The following USP34 variants were observed in gnomAD, a reference collection of about 807,000 sequenced individuals.
USP34 encodes the protein ubiquitin carboxyl-terminal hydrolase 34.
A neutral mutation model predicts 460.3 loss-of-function variants in USP34; 70 were observed. That is an observed-to-expected ratio of 0.15 (90% CI 0.13 to 0.19). The LOEUF (loss-of-function observed/expected upper bound fraction) is 0.19, where lower values mean the gene tolerates loss of function less well. Ranked by LOEUF, USP34 falls within the 10% of genes least tolerant of loss-of-function variation. The probability of loss-of-function intolerance (pLI) is 1.00; values close to 1 mark genes in which losing one functional copy is unlikely to be tolerated. For missense variants in USP34, 3,985 were observed against 4,236.2 expected, an observed-to-expected ratio of 0.94 and a Z score of 1.65; for synonymous variants, 1,647 against 1,405.3, an observed-to-expected ratio of 1.17 and a Z score of -3.85.
At chr2:61,376,796 C>T (rs901644242) in intron 8 of USP34, among the ~76,000 whole-genome samples, 9 of 152,108 alleles carry the variant, frequency 5.9e-5, no homozygotes, top group East Asian at 1.9e-4. Flanking sequence ...CACAGGCATG[C>T]GCCACCACAC....
chr2:61,462,351 A>G (rs1573069733), intron 1 of USP34, among the ~76,000 whole-genome samples: 1 of 151,664 alleles, frequency 6.6e-6, no homozygotes, highest in East Asian at 1.9e-4. Flanking sequence ...GAGTTTGAGA[A>G]CAGCCTGGGC....
At chr2:61,439,209 C>T (rs942775003) in intron 1 of USP34, among the ~76,000 whole-genome samples, 1 of 152,138 alleles carries the variant, frequency 6.6e-6, no homozygotes, top group African/African-American at 2.4e-5. Context: ...CTCAGCAGTT[C>T]GAAACCAGCC....
chr2:61,266,912 G>C (rs976978107), intron 41 of USP34, among the ~76,000 whole-genome samples: 2 of 152,194 alleles, frequency 1.3e-5, no homozygotes, highest in African/African-American at 2.4e-5. Context: ...GGCTCACTGT[G>C]CCTAACGGGT....
At chr2:61,213,945 C>T in intron 68 of USP34, 115 bp downstream of exon 68, 1 of 1,269,416 alleles carries the variant, frequency 7.9e-7, no homozygotes. Context: ...ACATTAAGTT[C>T]TTAAGAAAGA....
At chr2:61,294,880 G>C in intron 32 of USP34, 69 bp downstream of exon 32, 2 of 1,235,644 alleles carry the variant, frequency 1.6e-6, no homozygotes, top group Non-Finnish European at 2.3e-6. Flanking sequence ...AAGAATTATG[G>C]TACCCACTTT....
At chr2:61,229,733 T>C in intron 58 of USP34, 100 bp from the exon 59 acceptor site, 5 of 982,856 alleles carry the variant, frequency 5.1e-6, no homozygotes, top group Non-Finnish European at 7.7e-6. Context: ...CATTTATAGT[T>C]TGCACAAGAT....
In USP34 at chr2:61,214,293, G is replaced by A. The variant is rs1330062975; in HGVS notation, c.8449C>T (p.Arg2817Cys). ...ACCACTGGGTTCTGAACAATAAGGC[G>A]GATATTCTCTGGACAGTCAGCACAG... ...NVCADCPENIRLIVQNPVVTK... is the reference protein window; with the variant it reads ...NVCADCPENICLIVQNPVVTK... The change falls in exon 68 of 80, where the codon CGC (arginine) becomes TGC (cysteine). Residue 2817 changes from arginine (R) to cysteine (C), a missense_variant. This residue lies in a region of USP34 where 66 missense variants were observed against 121.2 expected (regional missense o/e 0.54). Coordinates refer to ENST00000398571, the MANE Select transcript of USP34 (RefSeq NM_014709.4). 15 of 1,614,058 alleles carry A rather than the reference G, an allele frequency of 9.3e-6. No individual in the cohort carries two copies. The highest frequency in any genetic ancestry group is 2.2e-5 in the East Asian group (1 of 44,900).
intron 20 of USP34, 70 bp from the exon 21 acceptor site, chr2:61,325,527 C>T (rs1691058988): frequency 2.3e-6 from 2 of 880,766 alleles, no homozygotes; most frequent in Non-Finnish European, 1.6e-6. Context: ...TTTAGTGGTC[C>T]TATGCATAAC....
chr2:61,212,926 G>A (rs1191208169), intron 68 of USP34, among the ~76,000 whole-genome samples: 1 of 151,960 alleles, frequency 6.6e-6, no homozygotes, highest in Non-Finnish European at 1.5e-5. Flanking sequence ...ATCCTATCCC[G>A]ACCCCTTTGA....
chr2:61,420,326 T>G (rs1242973553), intron 2 of USP34, among the ~76,000 whole-genome samples: 1 of 152,206 alleles, frequency 6.6e-6, no homozygotes, highest in Non-Finnish European at 1.5e-5. Flanking sequence ...TCTCAATATA[T>G]GTATTATTTA....
intron 25 of USP34, among the ~76,000 whole-genome samples, chr2:61,312,265 G>A (rs1194196701): frequency 1.3e-5 from 2 of 151,714 alleles, no homozygotes; most frequent in Non-Finnish European, 2.9e-5. Flanking sequence ...ATAGCAAGCT[G>A]TGATTCCTGC....
chr2:61,296,759 G>A lies in USP34; in HGVS notation c.4254+41C>T, dbSNP rs199569871. ...ACACTGTCAATAGGAATGTAAACTG[G>A]TAACAGCCTCTAGGAGAGTAAAGAG... On this transcript the variant is annotated intron_variant, in intron 30 of 79. Coordinates refer to ENST00000398571, the MANE Select transcript of USP34 (RefSeq NM_014709.4). 3.2e-6 allele frequency: 5 copies of A among 1,586,118 alleles called. No individual in the cohort carries two copies. In the African/African-American group the frequency reaches 5.4e-5, roughly 17 times the overall value.
chr2:61,448,235 C>T (rs764007139), intron 1 of USP34, among the ~76,000 whole-genome samples: 1 of 152,182 alleles, frequency 6.6e-6, no homozygotes, highest in Non-Finnish European at 1.5e-5. Flanking sequence ...GTACTTTGGG[C>T]GGCCAAGGCA....
chr2:61,453,205 G>A (rs765348561), intron 1 of USP34, among the ~76,000 whole-genome samples: 1 of 152,016 alleles, frequency 6.6e-6, no homozygotes, highest in Non-Finnish European at 1.5e-5. Flanking sequence ...GAGCCCATGA[G>A]TTCGAGACCA....
intron 5 of USP34, among the ~76,000 whole-genome samples, chr2:61,392,170 A>G (rs185982909): frequency 6.6e-5 from 10 of 152,146 alleles, no homozygotes; most frequent in African/African-American, 2.4e-4. Context: ...TCTCTACAAA[A>G]ACAATTTTTA....
Position 61,206,052 on chromosome 2 carries a change from G to A in USP34, c.9119C>T (p.Ser3040Phe), listed in dbSNP as rs1346657535. 1.9e-5 allele frequency: 31 copies of A among 1,613,656 alleles called. No individual in the cohort carries two copies. The highest frequency in any genetic ancestry group is 2.6e-5 in the Non-Finnish European group (31 of 1,179,776). The change falls in exon 72 of 80, where the codon TCC (serine) becomes TTC (phenylalanine). Residue 3040 changes from serine (S) to phenylalanine (F), a missense_variant. Transcript: ENST00000398571. ...ATTTCTAAGTTCTGGAGGACTATAG[G>A]AATTAAGAAGAGTTAACAGTTTATG... is the stretch of plus-strand genomic sequence containing the variant. ...FAHKLLTLLN[S>F]YSPPELRNAC...
chr2:61,365,923 G>A (rs1692422440), intron 10 of USP34, among the ~76,000 whole-genome samples: 1 of 122,328 alleles, frequency 8.2e-6, no homozygotes, highest in Non-Finnish European at 1.8e-5. Context: ...ATTTCTGAAA[G>A]ACTAAAATGA....
At chr2:61,302,068 T>G (rs1690243990) in intron 27 of USP34, among the ~76,000 whole-genome samples, 1 of 152,144 alleles carries the variant, frequency 6.6e-6, no homozygotes, top group African/African-American at 2.4e-5. Flanking sequence ...TATTCACACA[T>G]GCATGCCAGG....
chr2:61,409,048 C>A (rs752015688), intron 2 of USP34, among the ~76,000 whole-genome samples: 1 of 151,610 alleles, frequency 6.6e-6, no homozygotes, highest in African/African-American at 2.4e-5. Context: ...AGCAAAACCT[C>A]GTCTCTATTA....
Sources: gnomAD v4.1 joint callset for allele counts (sites outside exome capture counted in the v4.1 genomes callset) on GRCh38, gnomAD v4.1.1 for gene constraint, gnomAD v4.1.1 regional missense constraint, MANE v1.5 for transcripts, NCBI Gene and HGNC (gene_info 2026-07-23, HGNC 2026-07-21) for gene names.